Variants in MYD88 observed in about 807,000 individuals in gnomAD.
MYD88 encodes the protein myeloid differentiation primary response protein MyD88.
A neutral mutation model predicts 31.1 loss-of-function variants in MYD88; 15 were observed. The observed-to-expected ratio is 0.48, with a 90% confidence interval of 0.32 to 0.74. MYD88 has a LOEUF of 0.74. Among genes scored for constraint, MYD88 ranks in the 30% least tolerant of loss-of-function variants. The pLI is 0.03. For missense variants in MYD88, 308 were observed against 387.4 expected (o/e 0.79, Z 1.72); for synonymous variants, 157 against 158.8 (o/e 0.99, Z 0.08).
rs1204270084 is a variant in MYD88 at position 38,141,591 on chromosome 3, C to T, written c.*305C>T. ...GCTCTGAGCCATTCACACATCTTCACCCTCAGTTTCCTCACTTGAGGAGTG... is the reference window on the plus strand; with the variant it reads ...GCTCTGAGCCATTCACACATCTTCATCCTCAGTTTCCTCACTTGAGGAGTG... On this transcript the variant is annotated 3_prime_UTR_variant, in exon 5 of 5. Transcript: ENST00000650905. The T allele has an allele frequency of 6.1e-6, 3 of 492,228 alleles. No individual in the cohort carries two copies. Among genetic ancestry groups the T allele is most frequent in the Non-Finnish European group, 1.1e-5 (3 of 267,258 alleles). The allele number at this position is 492,228 out of a possible 1,614,324, so 30.5% of individuals were successfully genotyped here. A position where few individuals can be genotyped will look rare whatever the true frequency, so the allele number is the denominator to read the frequency against.
rs943019027 is a variant in MYD88, at chr3:38,139,380, A to C, written c.328+352A>C. On this transcript the variant is annotated intron_variant, in intron 1 of 4. Transcript: ENST00000650905. This position sits in a 1 kb window ranked among gnomAD's most constrained non-coding sequence, Gnocchi z 4.7. ...ACAGTGGACTGTCTTAGAAACCTCA[A>C]GTCCTGGGGAAATGCAGCCCTTCTT... 2.3e-6 allele frequency: 1 copy of C among 431,342 alleles called. No individual in the cohort carries two copies. The highest frequency in any genetic ancestry group is 4.2e-6 in the Non-Finnish European group (1 of 236,388). 26.7% of individuals were successfully genotyped at this position (431,342 alleles called of 1,614,324 possible). A position where few individuals can be genotyped will look rare whatever the true frequency, so the allele number is the denominator to read the frequency against.
Position 38,138,877 on chromosome 3 carries a change from G to A in MYD88, c.177G>A (p.Leu59=), listed in dbSNP as rs751226550. Residue 59 remains leucine (L), a synonymous_variant, in exon 1 of 5, where the codon TTG becomes TTA. Coordinates refer to ENST00000650905, the MANE Select transcript of MYD88 (RefSeq NM_002468.5). This position sits in a 1 kb window ranked among gnomAD's most constrained non-coding sequence, Gnocchi z 6.4. ...ALAEEMDFEY[L]EIRQLETQAD... ...CGGAGGAGATGGACTTTGAGTACTT[G>A]GAGATCCGGCAACTGGAGACACAAG... 20 of 1,613,750 alleles carry A rather than the reference G, an allele frequency of 1.2e-5. No individual in the cohort carries two copies. The South Asian group carries it at 1.8e-4, about 14-fold the overall frequency.
At position 38,141,576 on chromosome 3, in the gene MYD88, A is replaced by G. The variant is rs1701083631; in HGVS notation, c.*290A>G. The G allele has an allele frequency of 3.9e-6, 2 of 514,472 alleles. No individual in the cohort carries two copies. Among genetic ancestry groups the G allele is most frequent in the Non-Finnish European group, 7.1e-6 (2 of 281,490 alleles). The allele number at this position is 514,472 out of a possible 1,614,324, so 31.9% of individuals were successfully genotyped here. ...AGCAGAGCCAGCTCAGCTCTGAGCC[A>G]TTCACACATCTTCACCCTCAGTTTC... is the stretch of plus-strand genomic sequence containing the variant. On this transcript the variant is annotated 3_prime_UTR_variant, in exon 5 of 5. Transcript: ENST00000650905.
chr3:38,140,873 G>A (rs2125779862), intron 4 of MYD88, 25 bp downstream of exon 4: 1 of 1,602,992 alleles, frequency 6.2e-7, no homozygotes, highest in Non-Finnish European at 8.5e-7. Context: ...GCTCTGGCAA[G>A]AGAATGAGGG....
rs904261045 is a variant in MYD88, at chr3:38,139,413, A to T, written c.328+385A>T. The stretch of plus-strand genomic sequence containing the variant: ...GGAAATGCAGCCCTTCTTTCTACTC[A>T]CTGGCACTTACATAATATACATGCA... On this transcript the variant is annotated intron_variant, in intron 1 of 4. Coordinates refer to ENST00000650905, the MANE Select transcript of MYD88 (RefSeq NM_002468.5). This position sits in a 1 kb window ranked among gnomAD's most constrained non-coding sequence, Gnocchi z 4.7. The T allele has an allele frequency of 2.5e-6, 1 of 397,058 alleles. No individual in the cohort carries two copies. The highest frequency in any genetic ancestry group is 4.7e-6 in the Non-Finnish European group (1 of 213,962). The allele number at this position is 397,058 out of a possible 1,614,324, so 24.6% of individuals were successfully genotyped here. A position where few individuals can be genotyped will look rare whatever the true frequency, so the allele number is the denominator to read the frequency against.
chr3:38,142,703 A>T lies in MYD88; in HGVS notation c.*1417A>T, dbSNP rs984987920. 1 of 232,942 alleles carries T rather than the reference A, an allele frequency of 4.3e-6. No individual in the cohort carries two copies. Among genetic ancestry groups the T allele is most frequent in the Non-Finnish European group, 8.5e-6 (1 of 118,010 alleles). The allele number at this position is 232,942 out of a possible 1,614,324, so 14.4% of individuals were successfully genotyped here. A position where few individuals can be genotyped will look rare whatever the true frequency, so the allele number is the denominator to read the frequency against. Reference sequence around the variant, plus strand: ...TCTGTGCCCCAGGACAGACCCTAGGACCCTAAATCCAATAGAAAATGCATA... The same window carrying T: ...TCTGTGCCCCAGGACAGACCCTAGGTCCCTAAATCCAATAGAAAATGCATA... On this transcript the variant is annotated 3_prime_UTR_variant, in exon 5 of 5. Transcript: ENST00000650905.
rs1018177276 is a variant in MYD88 at position 38,139,083 on chromosome 3, C to A, written c.328+55C>A. The stretch of plus-strand genomic sequence containing the variant: ...CTGGGGGGTGAGGAGGCTGACTTTC[C>A]GCGGCCTCAGCATCCTGTCTCCCAT... On this transcript the variant is annotated intron_variant, in intron 1 of 4. Coordinates refer to ENST00000650905, the MANE Select transcript of MYD88 (RefSeq NM_002468.5). The surrounding 1 kb of genome is among the most constrained non-coding windows in gnomAD (Gnocchi z 4.7). 7.7e-6 allele frequency: 12 copies of A among 1,565,476 alleles called. No individual in the cohort carries two copies. Among genetic ancestry groups the A allele is most frequent in the Non-Finnish European group, 9.5e-6 (11 of 1,161,200 alleles).
chr3:38,140,853 G>T lies in MYD88; in HGVS notation c.736+5G>T. On this transcript the variant is annotated splice_donor_5th_base_variant and intron_variant, in intron 4 of 4. Transcript: ENST00000650905. ...TTGCACTCAGCCTCTCTCCAGGTAA[G>T]CTCAACCCTGCTCTGGCAAGAGAAT... is the stretch of plus-strand genomic sequence containing the variant. 2 of 1,612,484 alleles carry T rather than the reference G, an allele frequency of 1.2e-6. No individual in the cohort carries two copies. Among genetic ancestry groups the T allele is most frequent in the Non-Finnish European group, 1.7e-6 (2 of 1,178,450 alleles).
chr3:38,142,311 T>C lies in MYD88; in HGVS notation c.*1025T>C, dbSNP rs1374182332. On this transcript the variant is annotated 3_prime_UTR_variant, in exon 5 of 5. Transcript: ENST00000650905. The stretch of plus-strand genomic sequence containing the variant: ...ACTCACATACAGACACACACATATA[T>C]GTACAGACATGTACTCTCACACACA... 6.0e-5 allele frequency: 14 copies of C among 233,206 alleles called. No individual in the cohort carries two copies. Among genetic ancestry groups the C allele is most frequent in the Non-Finnish European group, 9.3e-5 (11 of 118,080 alleles). 14.4% of individuals were successfully genotyped at this position (233,206 alleles called of 1,614,324 possible). A position where few individuals can be genotyped will look rare whatever the true frequency, so the allele number is the denominator to read the frequency against.
At chr3:38,140,291 G>T in intron 2 of MYD88, 97 bp from the exon 3 acceptor site, 1 of 1,369,000 alleles carries the variant, frequency 7.3e-7, no homozygotes, top group Non-Finnish European at 1.0e-6. Context: ...TGGGAAGGGT[G>T]CAGGGCCCAG....
At chr3:38,140,961 G>A in intron 4 of MYD88, 113 bp downstream of exon 4, 5 of 1,362,076 alleles carry the variant, frequency 3.7e-6, no homozygotes, top group Non-Finnish European at 5.2e-6. Flanking sequence ...AACTGCTGAA[G>A]ATCTCTGCAC....
Position 38,141,206 on chromosome 3 carries a change from A to G in MYD88, c.811A>G (p.Ile271Val), listed in dbSNP as rs772137830. Residue 271 changes from isoleucine to valine, a missense_variant, in exon 5 of 5, where the codon ATC becomes GTC. Coordinates refer to ENST00000650905, the MANE Select transcript of MYD88 (RefSeq NM_002468.5). Reference sequence around the variant, plus strand: ...AGAGTTCCCCAGCATCCTGAGGTTCATCACTGTCTGCGACTACACCAACCC... The same window carrying G: ...AGAGTTCCCCAGCATCCTGAGGTTCGTCACTGTCTGCGACTACACCAACCC... ...KKEFPSILRFITVCDYTNPCT... is the reference protein window; with the variant it reads ...KKEFPSILRFVTVCDYTNPCT... 2 of 1,614,204 alleles carry G rather than the reference A, an allele frequency of 1.2e-6. No individual in the cohort carries two copies. The highest frequency in any genetic ancestry group is 1.7e-6 in the Non-Finnish European group (2 of 1,180,030).
chr3:38,139,099 T>G lies in MYD88; in HGVS notation c.328+71T>G, dbSNP rs1212700753. On this transcript the variant is annotated intron_variant, in intron 1 of 4. Transcript: ENST00000650905. The surrounding 1 kb of genome is among the most constrained non-coding windows in gnomAD (Gnocchi z 4.7). Reference sequence around the variant, plus strand: ...CTGACTTTCCGCGGCCTCAGCATCCTGTCTCCCATGGAGAGACCCCATTTC... The same window carrying G: ...CTGACTTTCCGCGGCCTCAGCATCCGGTCTCCCATGGAGAGACCCCATTTC... The G allele has an allele frequency of 2.0e-6, 3 of 1,535,972 alleles. No homozygotes were observed. In the African/African-American group the frequency reaches 4.1e-5, roughly 21 times the overall value.
chr3:38,139,195 CGCGGTTAT>C lies in MYD88; in HGVS notation c.328+168_328+175del. Reference sequence around the variant, plus strand: ...GTCCCGTTCCTTCTTAATAACCGGTCGCGGTTATTAAGAAGGACTGGAGAAAGGTCCGG... The same window carrying C: ...GTCCCGTTCCTTCTTAATAACCGGTCTAAGAAGGACTGGAGAAAGGTCCGG... On this transcript the variant is annotated intron_variant, in intron 1 of 4. Transcript: ENST00000650905. The surrounding 1 kb of genome is among the most constrained non-coding windows in gnomAD (Gnocchi z 4.7). The C allele has an allele frequency of 1.0e-6, 1 of 964,606 alleles. No individual in the cohort carries two copies. The highest frequency in any genetic ancestry group is 1.5e-6 in the Non-Finnish European group (1 of 671,820). 59.8% of individuals were successfully genotyped at this position (964,606 alleles called of 1,614,324 possible). A position where few individuals can be genotyped will look rare whatever the true frequency, so the allele number is the denominator to read the frequency against.
chr3:38,138,932 T>G lies in MYD88; in HGVS notation c.232T>G (p.Trp78Gly). 1.9e-6 allele frequency: 3 copies of G among 1,611,930 alleles called. No homozygotes were observed. The highest frequency in any genetic ancestry group is 2.5e-6 in the Non-Finnish European group (3 of 1,179,998). Reference sequence around the variant, plus strand: ...CCCCACTGGCAGGCTGCTGGACGCCTGGCAGGGACGCCCTGGCGCCTCTGT... The same window carrying G: ...CCCCACTGGCAGGCTGCTGGACGCCGGGCAGGGACGCCCTGGCGCCTCTGT... ...ADPTGRLLDA[W>G]QGRPGASVGR... is the part of the protein sequence containing the mutation. Residue 78 changes from tryptophan (W) to glycine (G), a missense_variant, in exon 1 of 5, where the codon TGG (tryptophan) becomes GGG (glycine). Trp to Gly is a radical substitution (Grantham distance 184). Coordinates refer to ENST00000650905, the MANE Select transcript of MYD88 (RefSeq NM_002468.5). The surrounding 1 kb of genome is among the most constrained non-coding windows in gnomAD (Gnocchi z 6.4).
Position 38,139,604 on chromosome 3 carries a change from C to G in MYD88, c.329-260C>G. 1.9e-6 allele frequency: 1 copy of G among 528,378 alleles called. No individual in the cohort carries two copies. The allele number at this position is 528,378 out of a possible 1,614,324, so 32.7% of individuals were successfully genotyped here. On this transcript the variant is annotated intron_variant, in intron 1 of 4. Coordinates refer to ENST00000650905, the MANE Select transcript of MYD88 (RefSeq NM_002468.5). This position sits in a 1 kb window ranked among gnomAD's most constrained non-coding sequence, Gnocchi z 4.7. Reference sequence around the variant, plus strand: ...CCTACCTTGGTACCATTCTTAGGATCCCTAGGAAGGGACAGAGATACAAAC... The same window carrying G: ...CCTACCTTGGTACCATTCTTAGGATGCCTAGGAAGGGACAGAGATACAAAC...
In MYD88 at chr3:38,142,428, C is replaced by T. The variant is rs569530547; in HGVS notation, c.*1142C>T. ...TCACTGAGGGAGCCTAACCATGTCCCTGAACAAAAATTGGGCACTCATCTA... is the reference window on the plus strand; with the variant it reads ...TCACTGAGGGAGCCTAACCATGTCCTTGAACAAAAATTGGGCACTCATCTA... On this transcript the variant is annotated 3_prime_UTR_variant, in exon 5 of 5. Coordinates refer to ENST00000650905, the MANE Select transcript of MYD88 (RefSeq NM_002468.5). 8 of 233,330 alleles carry T rather than the reference C, an allele frequency of 3.4e-5. No homozygotes were observed. The East Asian group carries it at 4.8e-4, about 14-fold the overall frequency. The allele number at this position is 233,330 out of a possible 1,614,324, so 14.5% of individuals were successfully genotyped here. A position where few individuals can be genotyped will look rare whatever the true frequency, so the allele number is the denominator to read the frequency against.
Position 38,142,944 on chromosome 3 carries a change from T to C in MYD88, c.*1658T>C, listed in dbSNP as rs1701114789. 8.6e-6 allele frequency: 2 copies of C among 233,162 alleles called. No individual in the cohort carries two copies. Among genetic ancestry groups the C allele is most frequent in the Non-Finnish European group, 8.5e-6 (1 of 118,048 alleles). The allele number at this position is 233,162 out of a possible 1,614,324, so 14.4% of individuals were successfully genotyped here. On this transcript the variant is annotated 3_prime_UTR_variant, in exon 5 of 5. Transcript: ENST00000650905. Reference sequence around the variant, plus strand: ...TTCAAAGATATCTGAGAAAAGCCGATATTTGCCATTCTTCCTATATCCTGG... The same window carrying C: ...TTCAAAGATATCTGAGAAAAGCCGACATTTGCCATTCTTCCTATATCCTGG...
rs775498014 is a variant in MYD88, at chr3:38,138,844, C to A, written c.144C>A (p.Thr48=). 1.9e-6 allele frequency: 3 copies of A among 1,613,846 alleles called. No homozygotes were observed. Among genetic ancestry groups the A allele is most frequent in the Non-Finnish European group, 2.5e-6 (3 of 1,180,012 alleles). The part of the protein sequence containing the change: ...NVRTQVAADW[T]ALAEEMDFEY... ...GGACACAGGTGGCGGCCGACTGGACCGCGCTGGCGGAGGAGATGGACTTTG... is the reference window on the plus strand; with the variant it reads ...GGACACAGGTGGCGGCCGACTGGACAGCGCTGGCGGAGGAGATGGACTTTG... The change falls in exon 1 of 5, where the codon ACC becomes ACA. Residue 48 remains threonine, a synonymous_variant. Coordinates refer to ENST00000650905, the MANE Select transcript of MYD88 (RefSeq NM_002468.5). The surrounding 1 kb of genome is among the most constrained non-coding windows in gnomAD (Gnocchi z 6.4).
Sources: allele counts gnomAD v4.1 joint callset, GRCh38; gene constraint gnomAD v4.1.1; non-coding constraint Gnocchi (gnomAD v3.1); transcripts MANE v1.5; gene names NCBI Gene and HGNC (gene_info 2026-07-23, HGNC 2026-07-21).